GRM5: variants seen among roughly 807,000 people sequenced by gnomAD.
The protein encoded by GRM5 is glutamate metabotropic receptor 5.
GRM5 carries 19 observed loss-of-function variants against 83.1 expected under a neutral mutation model. The observed-to-expected ratio is 0.23, with a 90% CI of 0.16 to 0.34. The LOEUF (loss-of-function observed/expected upper bound fraction) is 0.34, where lower values mean the gene tolerates loss of function less well. Among genes scored for constraint, GRM5 ranks in the 10% least tolerant of loss-of-function variants. The pLI is 1.00. For synonymous variants in GRM5, 675 were observed against 633.6 expected, an observed-to-expected ratio of 1.07 and a Z score of -0.98; for missense variants, 1,160 against 1,588.3, an observed-to-expected ratio of 0.73 and a Z score of 4.58.
In GRM5 at chr11:88,928,362, G is replaced by A. The variant is rs112738125; in HGVS notation, c.662-78207C>T. On this transcript the variant is annotated intron_variant, in intron 2 of 9. Transcript: ENST00000305447. ...CTGTGGTTCCACACTTGTGGGTTGC[G>A]ATAACTGCAACTCCAAAGAGTAGTT... 7.3e-3 allele frequency among the ~76,000 whole-genome samples: 1,115 copies of A among 152,012 alleles called. 9 individuals carry two copies. Among genetic ancestry groups the A allele is most frequent in the Non-Finnish European group, 8.0e-3 (546 of 67,976 alleles).
At chr11:88,689,605 TAGAC>T (rs1004298477) in intron 3 of GRM5, among the ~76,000 whole-genome samples, 2 of 152,230 alleles carry the variant, frequency 1.3e-5, no homozygotes, top group African/African-American at 4.8e-5. Context: ...ATGCTGATCT[TAGAC>T]AGTCCCTAAG....
chr11:88,550,482 A>G (rs552467122), intron 8 of GRM5, among the ~76,000 whole-genome samples: 14 of 152,334 alleles, frequency 9.2e-5, no homozygotes, highest in African/African-American at 3.1e-4. Context: ...ATTTAGTTCA[A>G]GTCAGCCCTG....
At position 88,653,369 on chromosome 11, in the gene GRM5, C is replaced by T. The variant is rs1939684907; in HGVS notation, c.946G>A (p.Gly316Arg). The T allele has an allele frequency of 2.5e-6, 4 of 1,612,518 alleles. No homozygotes were observed. Among genetic ancestry groups the T allele is most frequent in the Non-Finnish European group, 3.4e-6 (4 of 1,179,092 alleles). The change falls in exon 4 of 10, where the codon GGA (glycine) becomes AGA (arginine). Residue 316 changes from glycine to arginine, a missense_variant. Physicochemically the swap from Gly to Arg is moderately radical, Grantham distance 125. This residue lies in a region of GRM5 where 84 missense variants were observed against 231.0 expected (regional missense o/e 0.36). Coordinates refer to ENST00000305447, the MANE Select transcript of GRM5 (RefSeq NM_001143831.3). ...CCACCAACAGCTTCTCGCTGATATC[C>T]ATCTGTCACATCATACCTGTCAGCC... The part of the protein sequence containing the change: ...GWADRYDVTD[G>R]YQREAVGGIT...
At position 88,635,331 on chromosome 11, in the gene GRM5, G is replaced by A. The variant is rs369728252; in HGVS notation, c.1147+17837C>T. ...CTTTTCTCTACACCCTTGCCAACACGTCATCTCTTTCATCTTTTTGATAGT... is the reference window on the plus strand; with the variant it reads ...CTTTTCTCTACACCCTTGCCAACACATCATCTCTTTCATCTTTTTGATAGT... On this transcript the variant is annotated intron_variant, in intron 4 of 9. Transcript: ENST00000305447. Among the ~76,000 whole-genome samples the A allele has an allele frequency of 4.6e-5, 7 of 152,114 alleles. No individual in the cohort carries two copies. In the East Asian group the frequency reaches 9.7e-4, roughly 21 times the overall value.
At chr11:88,788,824 G>A (rs1424858840) in intron 3 of GRM5, among the ~76,000 whole-genome samples, 1 of 152,118 alleles carries the variant, frequency 6.6e-6, no homozygotes, top group Non-Finnish European at 1.5e-5. Context: ...ACATTAAGTG[G>A]AAGATGTGAG....
intron 8 of GRM5, among the ~76,000 whole-genome samples, chr11:88,545,624 C>T (rs1467039176): frequency 6.6e-6 from 1 of 152,046 alleles, no homozygotes; most frequent in Non-Finnish European, 1.5e-5. Flanking sequence ...AAATCTAGCA[C>T]CCATCTTTAA....
At chr11:88,917,916 TG>T (rs1179022970) in intron 2 of GRM5, among the ~76,000 whole-genome samples, 1 of 151,990 alleles carries the variant, frequency 6.6e-6, no homozygotes, top group Non-Finnish European at 1.5e-5. Flanking sequence ...GAAAGCATAT[TG>T]AAAAAAATAA....
At chr11:88,787,218 A>G (rs1943090517) in intron 3 of GRM5, among the ~76,000 whole-genome samples, 1 of 150,790 alleles carries the variant, frequency 6.6e-6, no homozygotes, top group Non-Finnish European at 1.5e-5. Context: ...TGAAGAGATA[A>G]GCTGAGATCC....
intron 2 of GRM5, among the ~76,000 whole-genome samples, chr11:88,856,548 T>A (rs1477981739): frequency 6.6e-6 from 1 of 152,074 alleles, no homozygotes; most frequent in Non-Finnish European, 1.5e-5. Flanking sequence ...TTTTTAAATG[T>A]ATATAAGTAG....
chr11:88,796,452 A>T, intron 3 of GRM5, among the ~76,000 whole-genome samples: 1 of 152,236 alleles, frequency 6.6e-6, no homozygotes, highest in East Asian at 1.9e-4. Context: ...TTTACAAAAG[A>T]CATAATTTAA....
intron 2 of GRM5, among the ~76,000 whole-genome samples, chr11:88,877,303 A>T (rs1386084582): frequency 6.6e-6 from 1 of 152,180 alleles, no homozygotes; most frequent in Non-Finnish European, 1.5e-5. Flanking sequence ...ACATTAGAAG[A>T]ATGCAAATTA....
intron 3 of GRM5, among the ~76,000 whole-genome samples, chr11:88,816,489 A>T (rs1163700567): frequency 1.3e-5 from 2 of 148,856 alleles, no homozygotes; most frequent in Non-Finnish European, 3.0e-5. Flanking sequence ...TGGTGAGCCG[A>T]GATCATGCCA....
intron 8 of GRM5, 62 bp downstream of exon 8, chr11:88,566,990 GA>G: frequency 2.8e-6 from 3 of 1,084,330 alleles, no homozygotes; most frequent in Non-Finnish European, 2.7e-6. Context: ...AAAGACCCAG[GA>G]AACACATGCC....
intron 3 of GRM5, among the ~76,000 whole-genome samples, chr11:88,695,214 A>G (rs16914576): frequency 0.026 from 3,887 of 152,308 alleles, 206 homozygotes; most frequent in Admixed American, 0.14. Context: ...TGTCTCTGAA[A>G]TTTAATAACC....
chr11:88,928,919 C>T (rs1279050936), intron 2 of GRM5, among the ~76,000 whole-genome samples: 21 of 138,948 alleles, frequency 1.5e-4, no homozygotes, highest in South Asian at 2.3e-4. Flanking sequence ...CACACACACA[C>T]ACACACACAC....
intron 2 of GRM5, among the ~76,000 whole-genome samples, chr11:88,891,375 C>T (rs991006368): frequency 6.6e-6 from 1 of 152,040 alleles, no homozygotes; most frequent in Non-Finnish European, 1.5e-5. Context: ...AAACCTCTAA[C>T]ATTTAACAGA....
Position 89,047,507 on chromosome 11 carries a change from C to T in GRM5, c.366G>A (p.Glu122=), listed in dbSNP as rs745761331. ...FIRDSLISSE[E]EEGLVRCVDG... ...CCACACAGCGTACCAAGCCTTCTTCCTCTTCTGAAGAAATGAGGGAATCTC... is the reference window on the plus strand; with the variant it reads ...CCACACAGCGTACCAAGCCTTCTTCTTCTTCTGAAGAAATGAGGGAATCTC... The change falls in exon 2 of 10, where the codon GAG becomes GAA. Residue 122 remains glutamate (E), a synonymous_variant. Coordinates refer to ENST00000305447, the MANE Select transcript of GRM5 (RefSeq NM_001143831.3). This position sits in a 1 kb window ranked among gnomAD's most constrained non-coding sequence, Gnocchi z 5.1. 5.0e-6 allele frequency: 8 copies of T among 1,614,054 alleles called. No homozygotes were observed. In the Admixed American group the frequency reaches 1.2e-4, roughly 24 times the overall value.
Position 89,044,537 on chromosome 11 carries a change from G to A in GRM5, c.661+2675C>T, listed in dbSNP as rs528619290. 1.5e-4 allele frequency among the ~76,000 whole-genome samples: 23 copies of A among 152,156 alleles called. No individual in the cohort carries two copies. In the East Asian group the frequency reaches 3.5e-3, roughly 23 times the overall value. ...TGGTACCCGTGACACAGTACGGTTA[G>A]GTTTAAGTATAAAACACATAGGCAA... is the stretch of plus-strand genomic sequence containing the variant. On this transcript the variant is annotated intron_variant, in intron 2 of 9. Transcript: ENST00000305447.
rs894254232 is a variant in GRM5 at position 88,989,558 on chromosome 11, A to AT, written c.661+57653dup. ...TCCATCCCAAATCAACAGAATATAC[A>AT]TTTTTTTCAGCACCACACCACACCT... is the stretch of plus-strand genomic sequence containing the variant. On this transcript the variant is annotated intron_variant, in intron 2 of 9. Coordinates refer to ENST00000305447, the MANE Select transcript of GRM5 (RefSeq NM_001143831.3). Among the ~76,000 whole-genome samples, 17 of 136,738 alleles carry AT rather than the reference A, an allele frequency of 1.2e-4. 1 individual carries two copies. Among genetic ancestry groups the AT allele is most frequent in the South Asian group, 1.1e-3 (4 of 3,722 alleles). 89.7% of individuals were successfully genotyped at this position (136,738 alleles called of 152,430 possible).
Sources: gnomAD v4.1 joint callset for allele counts (sites outside exome capture counted in the v4.1 genomes callset) on GRCh38, gnomAD v4.1.1 for gene constraint, gnomAD v4.1.1 regional missense constraint, Gnocchi (gnomAD v3.1) non-coding constraint, MANE v1.5 for transcripts, NCBI Gene and HGNC (gene_info 2026-07-23, HGNC 2026-07-21) for gene names.